Variants in NEK11 observed in about 807,000 individuals in gnomAD.
NEK11 encodes the protein serine/threonine-protein kinase Nek11.
A neutral mutation model predicts 80.7 loss-of-function variants in NEK11; 72 were observed. That is an observed-to-expected ratio of 0.89 (90% confidence interval 0.74 to 1.08). NEK11 has a LOEUF of 1.08. NEK11 is among the 50% of genes least tolerant of loss of function. The pLI is 0.00. For synonymous variants in NEK11, 251 were observed against 260.7 expected (o/e 0.96, Z 0.36); for missense variants, 764 against 763.6 (o/e 1.00, Z -0.01).
chr3:131,278,750 C>G (rs1358778904), intron 17 of NEK11, among the ~76,000 whole-genome samples: 1 of 152,012 alleles, frequency 6.6e-6, no homozygotes, highest in Admixed American at 6.5e-5. Context: ...CATGAAGGGC[C>G]TGCTCTATCT....
chr3:131,131,962 A>C (rs150943663), intron 5 of NEK11, among the ~76,000 whole-genome samples: 2 of 152,136 alleles, frequency 1.3e-5, no homozygotes, highest in African/African-American at 4.8e-5. Context: ...TTCATTGTTT[A>C]GAAGTGTGTG....
intron 11 of NEK11, among the ~76,000 whole-genome samples, chr3:131,163,432 A>G (rs896335086): frequency 1.3e-5 from 2 of 152,210 alleles, no homozygotes; most frequent in Non-Finnish European, 2.9e-5. Context: ...GAATCCCATC[A>G]TTTGCAACAA....
chr3:131,193,738 G>A (rs960385911), intron 14 of NEK11, among the ~76,000 whole-genome samples: 1 of 152,112 alleles, frequency 6.6e-6, no homozygotes, highest in South Asian at 2.1e-4. Context: ...GTAGGTAGGT[G>A]CAAGATCTTG....
At chr3:131,124,627 A>T (rs1429107800) in intron 5 of NEK11, among the ~76,000 whole-genome samples, 1 of 152,170 alleles carries the variant, frequency 6.6e-6, no homozygotes, top group Non-Finnish European at 1.5e-5. Context: ...AGTTCCTGCC[A>T]CACCAAGAGA....
intron 3 of NEK11, among the ~76,000 whole-genome samples, chr3:131,075,577 T>C (rs1433501377): frequency 6.6e-6 from 1 of 152,206 alleles, no homozygotes; most frequent in Non-Finnish European, 1.5e-5. Flanking sequence ...AGAGATGAAA[T>C]AACTTTAAAA....
At chr3:131,288,699 G>A (rs1203356854) in intron 17 of NEK11, among the ~76,000 whole-genome samples, 12 of 151,838 alleles carry the variant, frequency 7.9e-5, no homozygotes, top group Admixed American at 6.6e-5. Context: ...TGATCCACCC[G>A]CCTTGGCCTC....
chr3:131,129,194 GTGCC>G (rs2083943009), intron 5 of NEK11, among the ~76,000 whole-genome samples: 6 of 151,850 alleles, frequency 4.0e-5, no homozygotes, highest in Non-Finnish European at 5.9e-5. Context: ...GGGACTACAG[GTGCC>G]CACCACCAGG....
At chr3:131,165,636 C>A in intron 12 of NEK11, 117 bp downstream of exon 12, 1 of 650,454 alleles carries the variant, frequency 1.5e-6, no homozygotes. Flanking sequence ...ATTAACTTCA[C>A]CCAATTCCAG....
At chr3:131,065,750 T>G (rs374615098) in intron 3 of NEK11, among the ~76,000 whole-genome samples, 3 of 152,220 alleles carry the variant, frequency 2.0e-5, no homozygotes, top group African/African-American at 7.2e-5. Flanking sequence ...AAATTTAGTC[T>G]TGGTGATTTC....
intron 16 of NEK11, among the ~76,000 whole-genome samples, chr3:131,266,340 C>T (rs1021384706): frequency 6.6e-6 from 1 of 152,168 alleles, no homozygotes; most frequent in African/African-American, 2.4e-5. Context: ...TGCTTGTGGG[C>T]ATTTCATGCT....
At chr3:131,027,181 C>G (rs538984970) in intron 1 of NEK11, 175 bp downstream of exon 1, 2 of 152,300 alleles carry the variant, frequency 1.3e-5, no homozygotes, top group African/African-American at 4.8e-5. Context: ...CCTCAATAAA[C>G]GTTAACCTGC....
chr3:131,335,718 C>T (rs1036233093), intron 17 of NEK11, among the ~76,000 whole-genome samples: 18 of 152,088 alleles, frequency 1.2e-4, no homozygotes, highest in African/African-American at 2.7e-4. Flanking sequence ...TCTAGAAAAC[C>T]CCACTGTCTC....
intron 17 of NEK11, among the ~76,000 whole-genome samples, chr3:131,285,089 T>G (rs1486281213): frequency 2.0e-5 from 3 of 152,228 alleles, no homozygotes; most frequent in Non-Finnish European, 4.4e-5. Context: ...ATTTGAAAGC[T>G]AGCAATAAAA....
chr3:131,219,376 C>T (rs918621178), intron 14 of NEK11, among the ~76,000 whole-genome samples: 14 of 151,790 alleles, frequency 9.2e-5, no homozygotes, highest in Non-Finnish European at 1.8e-4. Context: ...GGGAACATCA[C>T]ACACTGGGGT....
rs570523017 is a variant in NEK11, at chr3:131,207,554, G to A, written c.1400-20974G>A. 2.0e-5 allele frequency among the ~76,000 whole-genome samples: 3 copies of A among 152,200 alleles called. No individual in the cohort carries two copies. In the East Asian group the frequency reaches 5.8e-4, roughly 29 times the overall value. On this transcript the variant is annotated intron_variant, in intron 14 of 17. Transcript: ENST00000383366. ...GCCGAGCCTGGGTGCACTCCAGCCT[G>A]GGTGAAAGAGTGAGACTCTATCTCA...
chr3:131,239,984 A>G (rs2095496602), intron 15 of NEK11, among the ~76,000 whole-genome samples: 2 of 152,170 alleles, frequency 1.3e-5, no homozygotes, highest in South Asian at 4.1e-4. Flanking sequence ...CTAACTTTCA[A>G]ACAAAACCCT....
intron 17 of NEK11, among the ~76,000 whole-genome samples, chr3:131,290,812 C>A (rs1581474833): frequency 6.6e-6 from 1 of 152,200 alleles, no homozygotes; most frequent in East Asian, 1.9e-4. Context: ...AGGTTCACAG[C>A]AAAATTGAGA....
intron 3 of NEK11, among the ~76,000 whole-genome samples, chr3:131,039,808 G>GA (rs1194598335): frequency 2.6e-5 from 4 of 152,226 alleles, no homozygotes; most frequent in African/African-American, 9.6e-5. Context: ...TTTTCCTGGG[G>GA]AAAAAAGCTT....
intron 16 of NEK11, among the ~76,000 whole-genome samples, chr3:131,250,878 G>A (rs1050774783): frequency 6.6e-6 from 1 of 152,058 alleles, no homozygotes; most frequent in Admixed American, 6.6e-5. Context: ...GGGCAATTAT[G>A]AACTCCTGGA....
Sources: gnomAD v4.1 joint callset for allele counts (sites outside exome capture counted in the v4.1 genomes callset) on GRCh38, gnomAD v4.1.1 for gene constraint, MANE v1.5 for transcripts, NCBI Gene and HGNC (gene_info 2026-07-23, HGNC 2026-07-21) for gene names.